Variants in CDC42SE2 observed in about 807,000 individuals in gnomAD.
CDC42SE2 encodes CDC42 small effector 2, also known as CDC42 small effector protein 2.
In CDC42SE2, 3 loss-of-function variants were observed where a neutral mutation model predicts 11.5. The ratio of observed to expected loss-of-function variants is 0.26; its 90% confidence interval spans 0.12 to 0.67. CDC42SE2 has a LOEUF of 0.67. CDC42SE2 is among the 30% of genes least tolerant of loss of function. CDC42SE2 has a pLI of 0.80. For missense variants in CDC42SE2, 82 were observed against 106.8 expected (o/e 0.77, Z 1.02); for synonymous variants, 33 against 34.8 (o/e 0.95, Z 0.18).
At chr5:131,314,351 C>T (rs1757995600) in intron 1 of CDC42SE2, among the ~76,000 whole-genome samples, 1 of 151,902 alleles carries the variant, frequency 6.6e-6, no homozygotes, top group South Asian at 2.1e-4. Context: ...CCCACCACAG[C>T]CTCCTGAGTA....
chr5:131,219,414 G>A, the CDC42SE2 span, among the ~76,000 whole-genome samples: 1 of 152,218 alleles, frequency 6.6e-6, no homozygotes, highest in African/African-American at 2.4e-5. Context: ...TATTCTCAAT[G>A]TACCTCAATA....
the CDC42SE2 span, among the ~76,000 whole-genome samples, chr5:131,216,634 AG>A: frequency 6.6e-6 from 1 of 151,272 alleles, no homozygotes; most frequent in African/African-American, 2.4e-5. Context: ...CCTTTAATTT[AG>A]CTAGAGGACA....
chr5:131,255,427 A>G (rs1756672345), intron 2 of CDC42SE2: 1 of 152,210 alleles, frequency 6.6e-6, no homozygotes, highest in East Asian at 1.9e-4. Context: ...GTAGGACAGC[A>G]TTGGTCTATT....
At chr5:131,346,064 A>C (rs1346864769) in intron 2 of CDC42SE2, among the ~76,000 whole-genome samples, 2 of 152,360 alleles carry the variant, frequency 1.3e-5, no homozygotes, top group East Asian at 1.9e-4. Flanking sequence ...AATTATAAAG[A>C]CTATCAATGC....
intron 4 of CDC42SE2, among the ~76,000 whole-genome samples, chr5:131,389,727 C>G (rs1561439794): frequency 6.6e-6 from 1 of 152,168 alleles, no homozygotes; most frequent in Non-Finnish European, 1.5e-5. Flanking sequence ...AAGCAGGTGA[C>G]TGATAAATAG....
chr5:131,377,138 G>C (rs562106550), intron 3 of CDC42SE2, among the ~76,000 whole-genome samples: 17 of 151,268 alleles, frequency 1.1e-4, no homozygotes, highest in African/African-American at 4.1e-4. Context: ...TTTCTCTGCA[G>C]CCTCACCAGC....
intron 3 of CDC42SE2, among the ~76,000 whole-genome samples, chr5:131,370,917 C>T (rs73249300): frequency 6.5e-4 from 99 of 152,018 alleles, no homozygotes; most frequent in African/African-American, 2.3e-3. Context: ...CTGATTCTCA[C>T]GTGGCCTTGA....
chr5:131,262,121 C>A (rs1756733010), upstream of CDC42SE2, among the ~76,000 whole-genome samples: 1 of 150,646 alleles, frequency 6.6e-6, no homozygotes, highest in African/African-American at 2.4e-5. Context: ...ATTTGTAATT[C>A]AAAGGGAGGC....
intron 1 of CDC42SE2, among the ~76,000 whole-genome samples, chr5:131,268,137 A>ACTG (rs943655684): frequency 7.6e-6 from 1 of 132,362 alleles, no homozygotes; most frequent in Non-Finnish European, 1.5e-5. Flanking sequence ...ATCTCGGCTC[A>ACTG]CTGCAACCTC....
intron 2 of CDC42SE2, among the ~76,000 whole-genome samples, chr5:131,350,486 G>A (rs1463860559): frequency 6.6e-6 from 1 of 151,954 alleles, no homozygotes; most frequent in East Asian, 1.9e-4. Flanking sequence ...ATAAAGAAAT[G>A]TTTCTTAAGT....
At chr5:131,331,528 G>A (rs1220273791) in intron 2 of CDC42SE2, among the ~76,000 whole-genome samples, 1 of 152,044 alleles carries the variant, frequency 6.6e-6, no homozygotes, top group Non-Finnish European at 1.5e-5. Flanking sequence ...AATTAAATGA[G>A]ATTATATTTG....
chr5:131,273,614 C>CA (rs914732601), intron 1 of CDC42SE2, among the ~76,000 whole-genome samples: 7 of 149,178 alleles, frequency 4.7e-5, no homozygotes, highest in Non-Finnish European at 7.5e-5. Context: ...ACTAAAAATA[C>CA]AAAAAAAAAT....
chr5:131,361,725 G>A (rs1749714744), intron 3 of CDC42SE2, among the ~76,000 whole-genome samples: 1 of 152,108 alleles, frequency 6.6e-6, no homozygotes, highest in African/African-American at 2.4e-5. Context: ...GTAGCTCTCT[G>A]TCGATGAGGG....
intron 1 of CDC42SE2, among the ~76,000 whole-genome samples, chr5:131,313,695 A>G (rs1482773851): frequency 6.6e-6 from 1 of 152,274 alleles, no homozygotes; most frequent in South Asian, 2.1e-4. Context: ...TCTGCCTACT[A>G]GTACAGTGTT....
At position 131,349,760 on chromosome 5, in the gene CDC42SE2, G is replaced by A. The variant is rs533929630; in HGVS notation, c.-285-9449G>A. Reference sequence around the variant, plus strand: ...GAAGACTAAGGGAAAAATGTACATAGTGTTAAATAGAGCAGGAGATAAAAT... The same window carrying A: ...GAAGACTAAGGGAAAAATGTACATAATGTTAAATAGAGCAGGAGATAAAAT... On this transcript the variant is annotated intron_variant, in intron 2 of 4. Coordinates refer to ENST00000505065, the MANE Select transcript of CDC42SE2 (RefSeq NM_001375635.1). 2.6e-5 allele frequency among the ~76,000 whole-genome samples: 4 copies of A among 151,318 alleles called. No homozygotes were observed. The East Asian group carries it at 7.7e-4, about 29-fold the overall frequency.
chr5:131,262,710 T>A (rs1756757477), upstream of CDC42SE2, among the ~76,000 whole-genome samples: 1 of 152,332 alleles, frequency 6.6e-6, no homozygotes, highest in Non-Finnish European at 1.5e-5. Context: ...CCTGTATAAA[T>A]TATCTATAGA....
intron 2 of CDC42SE2, among the ~76,000 whole-genome samples, chr5:131,336,637 T>C (rs1157090057): frequency 6.6e-6 from 1 of 152,252 alleles, no homozygotes; most frequent in African/African-American, 2.4e-5. Flanking sequence ...TCTTTTCACA[T>C]AGTCCCATAT....
At chr5:131,338,018 T>C (rs1758618137) in intron 2 of CDC42SE2, among the ~76,000 whole-genome samples, 2 of 152,278 alleles carry the variant, frequency 1.3e-5, no homozygotes, top group South Asian at 4.1e-4. Flanking sequence ...CAGTTGGAAA[T>C]GCAGAAATCA....
At chr5:131,310,304 C>G (rs976512310) in intron 1 of CDC42SE2, among the ~76,000 whole-genome samples, 1 of 151,780 alleles carries the variant, frequency 6.6e-6, no homozygotes, top group African/African-American at 2.4e-5. Context: ...GCACTGTGGT[C>G]TGAGAGATAG....
Sources: allele counts gnomAD v4.1 joint callset (sites outside exome capture counted in the v4.1 genomes callset), GRCh38; gene constraint gnomAD v4.1.1; transcripts MANE v1.5; gene names NCBI Gene and HGNC (gene_info 2026-07-23, HGNC 2026-07-21).